Variants in PALLD observed in about 807,000 individuals in gnomAD.
PALLD encodes the protein palladin, cytoskeletal associated protein, also known as palladin.
Under a neutral mutation model 123.5 loss-of-function variants are expected in PALLD, and 61 were observed. The observed-to-expected ratio is 0.49, with a 90% confidence interval of 0.40 to 0.61. The LOEUF is 0.61. Among genes scored for constraint, PALLD ranks in the 20% least tolerant of loss-of-function variants. The probability of loss-of-function intolerance (pLI) is 0.00; values close to 1 mark genes in which losing one functional copy is unlikely to be tolerated. For synonymous variants in PALLD, 465 were observed against 496.4 expected (o/e 0.94, Z 0.84); for missense variants, 1,273 against 1,377.0 (o/e 0.92, Z 1.20).
rs1305587399 is a variant in PALLD at position 168,626,108 on chromosome 4, A to AT, written c.909-42082_909-42081insT. On this transcript the variant is annotated intron_variant, in intron 2 of 21. Transcript: ENST00000505667. ...AAAACCTCGTCTCTACTAAAAATAC[A>AT]AAAAAAAATTAGCCGGGCGTAGTGG... Among the ~76,000 whole-genome samples the AT allele has an allele frequency of 1.5e-3, 158 of 103,074 alleles. 1 individual carries two copies. Among genetic ancestry groups the AT allele is most frequent in the African/African-American group, 4.2e-3 (152 of 36,442 alleles). The allele number at this position is 103,074 out of a possible 152,430, so 67.6% of individuals were successfully genotyped here.
At chr4:168,858,282 T>G (rs2151014404) in intron 10 of PALLD, among the ~76,000 whole-genome samples, 2 of 152,352 alleles carry the variant, frequency 1.3e-5, no homozygotes, top group Admixed American at 1.3e-4. Flanking sequence ...TTCTTTAAGT[T>G]ATACACTCAT....
At chr4:168,587,325 C>T (rs1449791919) in intron 2 of PALLD, among the ~76,000 whole-genome samples, 1 of 152,150 alleles carries the variant, frequency 6.6e-6, no homozygotes, top group Non-Finnish European at 1.5e-5. Flanking sequence ...GACCAAATGC[C>T]ACCTAAAAAT....
At chr4:168,621,501 T>C (rs923949274) in intron 2 of PALLD, among the ~76,000 whole-genome samples, 18 of 152,170 alleles carry the variant, frequency 1.2e-4, no homozygotes, top group Admixed American at 5.9e-4. Flanking sequence ...CCTTACTCCT[T>C]CCACCACCCC....
intron 10 of PALLD, among the ~76,000 whole-genome samples, chr4:168,786,290 T>C (rs1315187794): frequency 6.6e-6 from 1 of 152,050 alleles, no homozygotes; most frequent in Admixed American, 6.6e-5. Flanking sequence ...ATCGCACCAC[T>C]GCACTCCAGC....
At position 168,903,791 on chromosome 4, in the gene PALLD, C is replaced by T. The variant is rs1464837952; in HGVS notation, c.2507C>T (p.Pro836Leu). Residue 836 changes from proline to leucine, a missense_variant, in exon 15 of 22, where the codon CCA becomes CTA. By Grantham distance (98) the Pro-to-Leu change is moderately conservative. Around this residue, in one of 2 missense-constraint regions of PALLD, gnomAD observed 329 missense variants for 422.5 expected, o/e 0.78. Coordinates refer to ENST00000505667, the MANE Select transcript of PALLD (RefSeq NM_001166108.2). ...TTTAAAGATGGGAAGCAGATCTCTC[C>T]AAAGAGTGATCACTACACCATTCAA... is the stretch of plus-strand genomic sequence containing the variant. ...YWFKDGKQIS[P>L]KSDHYTIQRD... The T allele has an allele frequency of 1.2e-6, 2 of 1,610,984 alleles. No individual in the cohort carries two copies. Among genetic ancestry groups the T allele is most frequent in the Non-Finnish European group, 8.5e-7 (1 of 1,177,394 alleles).
intron 2 of PALLD, among the ~76,000 whole-genome samples, chr4:168,535,576 C>T (rs1411058271): frequency 6.6e-6 from 1 of 152,160 alleles, no homozygotes; most frequent in Non-Finnish European, 1.5e-5. Context: ...GCGTATACCA[C>T]TTTCCAAGAA....
intron 10 of PALLD, among the ~76,000 whole-genome samples, chr4:168,781,941 G>GA (rs796164121): frequency 2.9e-4 from 43 of 147,440 alleles, no homozygotes; most frequent in South Asian, 6.6e-4. Context: ...TTTGATAAAA[G>GA]AAAAAAAAAA....
chr4:168,852,533 C>T (rs1211917918), intron 10 of PALLD, among the ~76,000 whole-genome samples: 4 of 152,062 alleles, frequency 2.6e-5, no homozygotes, highest in Non-Finnish European at 4.4e-5. Flanking sequence ...GCCAGCTACT[C>T]GGGAGGCTGA....
chr4:168,566,390 C>T (rs1203319063), intron 2 of PALLD, among the ~76,000 whole-genome samples: 1 of 152,116 alleles, frequency 6.6e-6, no homozygotes. Context: ...CTTGATCTCC[C>T]AGGGTCAATC....
chr4:168,921,782 C>T (rs1160483560), intron 18 of PALLD, 41 bp downstream of exon 18: 2 of 1,429,752 alleles, frequency 1.4e-6, no homozygotes, highest in East Asian at 4.5e-5. Context: ...ACAGAATGAA[C>T]ATCAGACTTA....
chr4:168,782,829 C>T (rs1044937022), intron 10 of PALLD, among the ~76,000 whole-genome samples: 9 of 151,914 alleles, frequency 5.9e-5, no homozygotes, highest in Admixed American at 3.9e-4. Context: ...GCATGAGAAT[C>T]GCTTGAACCT....
intron 14 of PALLD, among the ~76,000 whole-genome samples, chr4:168,903,407 G>A (rs371615798): frequency 6.6e-6 from 1 of 151,906 alleles, no homozygotes; most frequent in Non-Finnish European, 1.5e-5. Flanking sequence ...TTCATAGAAG[G>A]CCACTTCATA....
At chr4:168,774,953 AT>A (rs1340423168) in intron 10 of PALLD, among the ~76,000 whole-genome samples, 1 of 152,106 alleles carries the variant, frequency 6.6e-6, no homozygotes, top group Non-Finnish European at 1.5e-5. Flanking sequence ...TTACTTTAAA[AT>A]TCATCCATGT....
chr4:168,851,040 G>A (rs79071939), intron 10 of PALLD, among the ~76,000 whole-genome samples: 1 of 152,230 alleles, frequency 6.6e-6, no homozygotes. Context: ...AGTGGGTGCC[G>A]TCTCCCAGGC....
intron 4 of PALLD, among the ~76,000 whole-genome samples, chr4:168,681,883 T>C (rs1781588778): frequency 6.6e-6 from 1 of 152,146 alleles, no homozygotes; most frequent in Non-Finnish European, 1.5e-5. Context: ...AAATTTGAAC[T>C]TTGAAGTCTG....
chr4:168,708,705 A>C (rs1413817402), intron 8 of PALLD, among the ~76,000 whole-genome samples: 3 of 152,158 alleles, frequency 2.0e-5, no homozygotes, highest in Admixed American at 6.5e-5. Flanking sequence ...CTACATGCAA[A>C]ATACAGAGCT....
intron 2 of PALLD, among the ~76,000 whole-genome samples, chr4:168,550,525 C>T (rs1460306241): frequency 6.6e-6 from 1 of 151,964 alleles, no homozygotes; most frequent in Non-Finnish European, 1.5e-5. Flanking sequence ...ACACAGTAAG[C>T]CTCTATAACT....
At chr4:168,818,212 C>T (rs576588763) in intron 10 of PALLD, among the ~76,000 whole-genome samples, 3 of 151,152 alleles carry the variant, frequency 2.0e-5, no homozygotes, top group Non-Finnish European at 2.9e-5. Context: ...GTTATGCCCA[C>T]GAATAGTCAT....
intron 2 of PALLD, among the ~76,000 whole-genome samples, chr4:168,577,885 G>C (rs917363862): frequency 8.5e-5 from 13 of 152,056 alleles, no homozygotes; most frequent in Admixed American, 2.0e-4. Flanking sequence ...AAAGAAAACA[G>C]CTGAACAGCT....
Sources: allele counts gnomAD v4.1 joint callset (sites outside exome capture counted in the v4.1 genomes callset), GRCh38; gene constraint gnomAD v4.1.1; regional missense constraint gnomAD v4.1.1; transcripts MANE v1.5; gene names NCBI Gene and HGNC (gene_info 2026-07-23, HGNC 2026-07-21).